Variants in RABGAP1 observed in about 807,000 individuals in gnomAD.
RABGAP1 encodes the protein RAB GTPase activating protein 1.
RABGAP1 carries 23 observed loss-of-function variants against 137.6 expected under a neutral mutation model. The observed-to-expected ratio is 0.17, with a 90% CI of 0.12 to 0.24. RABGAP1 has a LOEUF of 0.24. RABGAP1 is among the 10% of genes least tolerant of loss of function. The pLI is 1.00. For missense variants in RABGAP1, 906 were observed against 1,275.8 expected, an observed-to-expected ratio of 0.71 and a Z score of 4.42; for synonymous variants, 451 against 450.7, an observed-to-expected ratio of 1.00 and a Z score of -0.01.
At chr9:123,088,429 A>C (rs2034936067) in intron 19 of RABGAP1, among the ~76,000 whole-genome samples, 1 of 152,052 alleles carries the variant, frequency 6.6e-6, no homozygotes, top group African/African-American at 2.4e-5. Context: ...TGAACATGTA[A>C]TTTAAAACAA....
At chr9:122,952,284 A>T (rs1460353248) in intron 1 of RABGAP1, among the ~76,000 whole-genome samples, 1 of 151,564 alleles carries the variant, frequency 6.6e-6, no homozygotes, top group African/African-American at 2.4e-5. Flanking sequence ...TTTGAGACAG[A>T]GTCTCGCTCT....
At chr9:123,062,129 G>C (rs947872700) in intron 13 of RABGAP1, 1 of 152,246 alleles carries the variant, frequency 6.6e-6, no homozygotes, top group Non-Finnish European at 1.5e-5. Flanking sequence ...TTAGCCAGGC[G>C]TGGTGGCACA....
chr9:123,059,480 G>A (rs575194609), intron 13 of RABGAP1, among the ~76,000 whole-genome samples: 1 of 152,136 alleles, frequency 6.6e-6, no homozygotes, highest in Non-Finnish European at 1.5e-5. Context: ...GCGTGAACCC[G>A]GGAGGCGGAG....
At chr9:123,003,642 C>T (rs898633550) in intron 10 of RABGAP1, among the ~76,000 whole-genome samples, 6 of 152,166 alleles carry the variant, frequency 3.9e-5, no homozygotes, top group Non-Finnish European at 8.8e-5. Flanking sequence ...TCTGGTGACT[C>T]AGCAATTCCT....
At chr9:123,041,401 CAT>C (rs1283300847) in intron 13 of RABGAP1, among the ~76,000 whole-genome samples, 1 of 152,152 alleles carries the variant, frequency 6.6e-6, no homozygotes, top group African/African-American at 2.4e-5. Context: ...GGTGAGGAAA[CAT>C]AGGCTTAGAG....
At chr9:123,030,149 G>A (rs1171363427) in intron 13 of RABGAP1, among the ~76,000 whole-genome samples, 1 of 152,184 alleles carries the variant, frequency 6.6e-6, no homozygotes, top group Non-Finnish European at 1.5e-5. Flanking sequence ...GTATCGGTAA[G>A]TTCGTAATTA....
rs973424138 is a variant in RABGAP1, at chr9:122,982,323, C to T, written c.151-2162C>T. On this transcript the variant is annotated intron_variant, in intron 2 of 25. Coordinates refer to ENST00000373647, the MANE Select transcript of RABGAP1 (RefSeq NM_012197.4). ...AAAGTAGGGAAGAATGCAAGATAAA[C>T]GTGTAAACACAAGGCAAAGGTATAA... is the stretch of plus-strand genomic sequence containing the variant. 3.9e-5 allele frequency among the ~76,000 whole-genome samples: 6 copies of T among 152,154 alleles called. No homozygotes were observed. In the East Asian group the frequency reaches 5.8e-4, roughly 15 times the overall value.
At chr9:123,082,115 C>A (rs904276565) in intron 19 of RABGAP1, among the ~76,000 whole-genome samples, 1 of 151,648 alleles carries the variant, frequency 6.6e-6, no homozygotes, top group Non-Finnish European at 1.5e-5. Flanking sequence ...TCAGTCCTTA[C>A]TTGCCTCTCT....
intron 2 of RABGAP1, among the ~76,000 whole-genome samples, chr9:122,967,939 G>A (rs913798071): frequency 6.6e-6 from 1 of 151,968 alleles, no homozygotes; most frequent in African/African-American, 2.4e-5. Flanking sequence ...TGTTGGCTAG[G>A]CTGATCTCGA....
chr9:122,974,948 T>C (rs925242087), intron 2 of RABGAP1, among the ~76,000 whole-genome samples: 1 of 152,228 alleles, frequency 6.6e-6, no homozygotes, highest in Non-Finnish European at 1.5e-5. Flanking sequence ...GATTAGTAAC[T>C]AAATCTTCAA....
At chr9:122,945,385 G>A (rs1475351169) in intron 1 of RABGAP1, 4 of 151,888 alleles carry the variant, frequency 2.6e-5, no homozygotes, top group Admixed American at 6.6e-5. Context: ...TATACAATGT[G>A]GCCTGAAAGT....
intron 1 of RABGAP1, among the ~76,000 whole-genome samples, chr9:122,954,930 G>A (rs190124023): frequency 3.9e-5 from 6 of 152,236 alleles, no homozygotes; most frequent in East Asian, 3.9e-4. Context: ...AAATTAAAAG[G>A]CACTCACCAT....
intron 10 of RABGAP1, 125 bp from the exon 11 acceptor site, chr9:123,010,229 G>T: frequency 1.2e-6 from 1 of 803,730 alleles, no homozygotes; most frequent in Non-Finnish European, 1.9e-6. Flanking sequence ...TTCACATCCT[G>T]TATGAAATCA....
intron 10 of RABGAP1, among the ~76,000 whole-genome samples, chr9:123,003,976 T>C (rs2029961325): frequency 6.6e-6 from 1 of 152,266 alleles, no homozygotes; most frequent in African/African-American, 2.4e-5. Flanking sequence ...CTAAGTGGTA[T>C]GGCCAATGTT....
rs982643846 is a variant in RABGAP1 at position 123,104,555 on chromosome 9, ACT to A, written c.*1344_*1345del. 2.6e-5 allele frequency: 4 copies of A among 152,474 alleles called. No individual in the cohort carries two copies. Among genetic ancestry groups the A allele is most frequent in the African/African-American group, 9.7e-5 (4 of 41,414 alleles). The allele number at this position is 152,474 out of a possible 1,614,324, so 9.4% of individuals were successfully genotyped here. A position where few individuals can be genotyped will look rare whatever the true frequency, so the allele number is the denominator to read the frequency against. On this transcript the variant is annotated 3_prime_UTR_variant, in exon 26 of 26. Coordinates refer to ENST00000373647, the MANE Select transcript of RABGAP1 (RefSeq NM_012197.4). ...AGGCACTGGTTTTGTATATAAAGACACTCGGGTTGTTTTGTAGCTCTTTTTCT... is the reference window on the plus strand; with the variant it reads ...AGGCACTGGTTTTGTATATAAAGACACGGGTTGTTTTGTAGCTCTTTTTCT...
At chr9:123,077,681 ATTG>A (rs2034563071) in intron 19 of RABGAP1, among the ~76,000 whole-genome samples, 1 of 127,682 alleles carries the variant, frequency 7.8e-6, no homozygotes. Flanking sequence ...ATTGTATTGT[ATTG>A]TATTGTATTT....
rs79698075 is a variant in RABGAP1, at chr9:123,016,215, A to G, written c.1643+579A>G. 6.6e-3 allele frequency among the ~76,000 whole-genome samples: 1,004 copies of G among 152,312 alleles called. 16 individuals carry two copies. The highest frequency in any genetic ancestry group is 0.023 in the African/African-American group (961 of 41,564). On this transcript the variant is annotated intron_variant, in intron 12 of 25. Coordinates refer to ENST00000373647, the MANE Select transcript of RABGAP1 (RefSeq NM_012197.4). ...CCTATAGGCTATCTAAAAAGAATAC[A>G]TTGCCTTCAGGATGGGTGTAGTGGT...
intron 14 of RABGAP1, among the ~76,000 whole-genome samples, chr9:123,067,135 AC>A (rs1386512588): frequency 6.6e-6 from 1 of 152,218 alleles, no homozygotes; most frequent in African/African-American, 2.4e-5. Flanking sequence ...GACCCACATT[AC>A]ATTAAGTTGT....
chr9:122,999,274 C>T (rs1348936453), intron 10 of RABGAP1, among the ~76,000 whole-genome samples: 3 of 152,132 alleles, frequency 2.0e-5, no homozygotes, highest in Non-Finnish European at 4.4e-5. Context: ...ACCTCCGCCT[C>T]CCGGGTTCAA....
Sources: allele counts gnomAD v4.1 joint callset (sites outside exome capture counted in the v4.1 genomes callset), GRCh38; gene constraint gnomAD v4.1.1; transcripts MANE v1.5; gene names NCBI Gene and HGNC (gene_info 2026-07-23, HGNC 2026-07-21).